Variants in POR observed in about 807,000 individuals in gnomAD.
POR encodes cytochrome p450 oxidoreductase, also known as NADPH--cytochrome P450 reductase.
In POR, 56 loss-of-function variants were observed where a neutral mutation model predicts 84.0. That is an observed-to-expected ratio of 0.67 (90% CI 0.54 to 0.83). The LOEUF is 0.83. Among genes scored for constraint, POR ranks in the 40% least tolerant of loss-of-function variants. The probability of loss-of-function intolerance (pLI) is 0.00; values close to 1 mark genes in which losing one functional copy is unlikely to be tolerated. For missense variants in POR, 938 were observed against 944.3 expected, an observed-to-expected ratio of 0.99 and a Z score of 0.09; for synonymous variants, 414 against 400.5, an observed-to-expected ratio of 1.03 and a Z score of -0.40.
chr7:75,973,587 G>A (rs1264978369), intron 3 of POR, among the ~76,000 whole-genome samples: 1 of 151,714 alleles, frequency 6.6e-6, no homozygotes. Context: ...CAAAGTGCTG[G>A]GACTGTAGGT....
intron 3 of POR, among the ~76,000 whole-genome samples, chr7:75,976,750 G>GA (rs35350121): frequency 0.27 from 38,359 of 144,266 alleles, 6,075 homozygotes; most frequent in Non-Finnish European, 0.38. Flanking sequence ...TCTGTCTCAA[G>GA]AAAAAAAAAA....
chr7:75,972,615 C>T, intron 3 of POR, 154 bp downstream of exon 3: 2 of 733,638 alleles, frequency 2.7e-6, no homozygotes, highest in East Asian at 5.4e-5. Flanking sequence ...TCATTCTTGC[C>T]TAACCAAAGC....
intron 6 of POR, 148 bp downstream of exon 6, chr7:75,981,320 G>A: frequency 7.5e-7 from 1 of 1,336,282 alleles, no homozygotes; most frequent in Non-Finnish European, 1.0e-6. Flanking sequence ...CCTCTGCCCT[G>A]CCCCTGCCAG....
chr7:75,919,378 C>CGTGTGTGTGTGTGTGT lies in POR; in HGVS notation c.-5+4202_-5+4203insTGTGTGTGTGTGTGTG, dbSNP rs1458787395. ...GTGCACACGCCTGTCTGCATCTGTG[C>CGTGTGTGTGTGTGTGT]GTGCGTGTGTGTGTGTGTGTGTGTG... On this transcript the variant is annotated intron_variant, in intron 1 of 15. Coordinates refer to ENST00000461988, the MANE Select transcript of POR (RefSeq NM_000941.3). 6.6e-5 allele frequency among the ~76,000 whole-genome samples: 9 copies of CGTGTGTGTGTGTGTGT among 136,262 alleles called. 1 individual carries two copies. Among genetic ancestry groups the CGTGTGTGTGTGTGTGT allele is most frequent in the African/African-American group, 2.7e-4 (8 of 30,064 alleles). The allele number at this position is 136,262 out of a possible 152,430, so 89.4% of individuals were successfully genotyped here.
chr7:75,935,250 C>T (rs1297345146), intron 1 of POR, among the ~76,000 whole-genome samples: 8 of 151,854 alleles, frequency 5.3e-5, no homozygotes, highest in Non-Finnish European at 1.0e-4. Flanking sequence ...CTGCCAGGTG[C>T]GGTGGCTCAC....
At chr7:75,970,178 T>A (rs569613177) in intron 2 of POR, among the ~76,000 whole-genome samples, 8 of 152,072 alleles carry the variant, frequency 5.3e-5, no homozygotes, top group Non-Finnish European at 1.0e-4. Flanking sequence ...GTTTAAAATA[T>A]CTGCTCTGCT....
chr7:75,929,302 C>T (rs1376738306), intron 1 of POR, among the ~76,000 whole-genome samples: 3 of 152,096 alleles, frequency 2.0e-5, no homozygotes, highest in African/African-American at 7.2e-5. Context: ...CTGGCTCTAT[C>T]GCCCAGGCTG....
intron 1 of POR, among the ~76,000 whole-genome samples, chr7:75,952,648 C>T (rs1284126608): frequency 4.8e-5 from 6 of 125,988 alleles, no homozygotes; most frequent in East Asian, 2.6e-4. Context: ...CAGATGGGGT[C>T]GCGGCCGGGC....
chr7:75,931,038 G>A (rs187206233), intron 1 of POR, among the ~76,000 whole-genome samples: 1 of 151,724 alleles, frequency 6.6e-6, no homozygotes, highest in East Asian at 1.9e-4. Context: ...ACCCAGGCTG[G>A]TCTCAAACTC....
chr7:75,915,883 T>C (rs1319975564), intron 1 of POR: 1 of 152,204 alleles, frequency 6.6e-6, no homozygotes, highest in Non-Finnish European at 1.5e-5. Context: ...GTGAGCTTGA[T>C]TGACTTCGAC....
At chr7:75,981,697 A>G (rs1554558013) in intron 7 of POR, 91 bp downstream of exon 7, 2 of 1,100,744 alleles carry the variant, frequency 1.8e-6, no homozygotes, top group Admixed American at 4.4e-5. Flanking sequence ...AGTGGGTCGC[A>G]GCAAGGTTAG....
At chr7:75,959,693 T>C (rs1027980584) in intron 2 of POR, among the ~76,000 whole-genome samples, 4 of 152,190 alleles carry the variant, frequency 2.6e-5, no homozygotes, top group African/African-American at 7.2e-5. Context: ...TGACCCCAAG[T>C]GATCCATCCG....
intron 2 of POR, among the ~76,000 whole-genome samples, chr7:75,960,232 C>T (rs1386573552): frequency 2.6e-5 from 4 of 151,790 alleles, no homozygotes; most frequent in African/African-American, 4.8e-5. Flanking sequence ...CCAAGGCTGC[C>T]GAGCGCCGAG....
chr7:75,924,802 G>C (rs1807039001), intron 1 of POR, among the ~76,000 whole-genome samples: 1 of 152,206 alleles, frequency 6.6e-6, no homozygotes, highest in Non-Finnish European at 1.5e-5. Context: ...TGTAACCGTT[G>C]AGTGTCTGCG....
chr7:75,980,786 G>C, intron 5 of POR: 1 of 1,357,896 alleles, frequency 7.4e-7, no homozygotes, highest in East Asian at 2.6e-5. Context: ...GCCCCAGCCC[G>C]GTGGGGAGGG....
rs782620680 is a variant in POR at position 75,954,043 on chromosome 7, G to A, written c.51G>A (p.Glu17=). The change falls in exon 2 of 16, where the codon GAG becomes GAA. Residue 17 remains glutamate, a synonymous_variant. Transcript: ENST00000461988. ...TGGACACCAGCTCCACCGTGTCCGA[G>A]GCGGTGGCCGAAGAAGTATCTCTTT... 6.2e-7 allele frequency: 1 copy of A among 1,610,360 alleles called. No homozygotes were observed. The highest frequency in any genetic ancestry group is 1.7e-5 in the Admixed American group (1 of 59,438).
chr7:75,915,188 T>A lies in POR; in HGVS notation c.-5+9T>A. 1 of 154,446 alleles carries A rather than the reference T, an allele frequency of 6.5e-6. No individual in the cohort carries two copies. Among genetic ancestry groups the A allele is most frequent in the East Asian group, 1.9e-4 (1 of 5,188 alleles). 9.6% of individuals were successfully genotyped at this position (154,446 alleles called of 1,614,324 possible). A position where few individuals can be genotyped will look rare whatever the true frequency, so the allele number is the denominator to read the frequency against. On this transcript the variant is annotated intron_variant, in intron 1 of 15. Transcript: ENST00000461988. ...CAGCCGGGCTGCCAGCGGTGAGTGC[T>A]ATCTTTCGCGGCGACGGCGGGGTGG...
chr7:75,927,245 C>T (rs1472535193), intron 1 of POR, among the ~76,000 whole-genome samples: 2 of 152,162 alleles, frequency 1.3e-5, no homozygotes, highest in African/African-American at 2.4e-5. Context: ...GTGGCTCACA[C>T]CTGTAATCCC....
At chr7:75,953,921 C>A in intron 1 of POR, 68 bp from the exon 2 acceptor site, 1 of 1,302,700 alleles carries the variant, frequency 7.7e-7, no homozygotes, top group Non-Finnish European at 1.1e-6. Flanking sequence ...TTTAGGTGGG[C>A]ACCCCAGCCA....
Sources: allele counts gnomAD v4.1 joint callset (sites outside exome capture counted in the v4.1 genomes callset), GRCh38; gene constraint gnomAD v4.1.1; transcripts MANE v1.5; gene names NCBI Gene and HGNC (gene_info 2026-07-23, HGNC 2026-07-21).